Variants in PCDH15 observed in about 807,000 individuals in gnomAD.
The protein encoded by PCDH15 is protocadherin-15.
A neutral mutation model predicts 178.5 loss-of-function variants in PCDH15; 129 were observed. That is an observed-to-expected ratio of 0.72 (90% CI 0.63 to 0.84). The LOEUF (loss-of-function observed/expected upper bound fraction) is 0.84. PCDH15 is among the 40% of genes least tolerant of loss of function. The pLI, the probability that PCDH15 is intolerant of heterozygous loss-of-function variation, is 0.00. For synonymous variants in PCDH15, 800 were observed against 732.0 expected, an observed-to-expected ratio of 1.09 and a Z score of -1.50; for missense variants, 2,230 against 2,099.9, an observed-to-expected ratio of 1.06 and a Z score of -1.21.
chr10:54,527,567 T>A (rs2083473488), intron 3 of PCDH15, among the ~76,000 whole-genome samples: 1 of 152,244 alleles, frequency 6.6e-6, no homozygotes, highest in South Asian at 2.1e-4. Context: ...TGACTCTGAA[T>A]CAAATAATTT....
At chr10:54,347,742 A>C (rs568291689) in intron 5 of PCDH15, among the ~76,000 whole-genome samples, 1 of 152,198 alleles carries the variant, frequency 6.6e-6, no homozygotes, top group African/African-American at 2.4e-5. Context: ...ACTCAATCCC[A>C]GCAAATTCTT....
At chr10:55,605,039 C>T (rs1159937036) in intron 2 of PCDH15, among the ~76,000 whole-genome samples, 16 of 151,900 alleles carry the variant, frequency 1.1e-4, no homozygotes, top group East Asian at 3.9e-4. Flanking sequence ...ATCAAATAGA[C>T]GCAATAAAAA....
At chr10:55,390,505 A>C (rs1380537262) in intron 2 of PCDH15, among the ~76,000 whole-genome samples, 1 of 152,190 alleles carries the variant, frequency 6.6e-6, no homozygotes. Context: ...AATTGGAGTC[A>C]AGTCTTCTTA....
At chr10:54,064,552 T>A (rs1401632025) in intron 18 of PCDH15, among the ~76,000 whole-genome samples, 1 of 151,994 alleles carries the variant, frequency 6.6e-6, no homozygotes, top group Admixed American at 6.5e-5. Flanking sequence ...GCCCAGGCTG[T>A]TTATGAGGAG....
intron 18 of PCDH15, among the ~76,000 whole-genome samples, chr10:54,052,964 A>G (rs1032821360): frequency 6.6e-6 from 1 of 152,134 alleles, no homozygotes; most frequent in African/African-American, 2.4e-5. Context: ...CCATGTGAAG[A>G]AGGACACATT....
intron 2 of PCDH15, among the ~76,000 whole-genome samples, chr10:54,568,005 T>A (rs550296028): frequency 3.9e-5 from 6 of 152,290 alleles, no homozygotes; most frequent in African/African-American, 1.4e-4. Flanking sequence ...AGTATACTTA[T>A]AAAAAAATAA....
chr10:54,647,925 C>CA (rs1416444965), intron 2 of PCDH15, among the ~76,000 whole-genome samples: 1 of 151,976 alleles, frequency 6.6e-6, no homozygotes, highest in Non-Finnish European at 1.5e-5. Flanking sequence ...TGCTTAAAAA[C>CA]AAACAAAACA....
At chr10:54,137,795 CT>C (rs1197361201) in intron 14 of PCDH15, among the ~76,000 whole-genome samples, 2 of 152,290 alleles carry the variant, frequency 1.3e-5, no homozygotes, top group Middle Eastern at 3.4e-3. Flanking sequence ...CAGTGATTGG[CT>C]TTTTGTATGA....
In PCDH15 at chr10:55,517,007, T is replaced by A. The variant is rs534000839; in HGVS notation, c.-156+110618A>T. On this transcript the variant is annotated intron_variant, in intron 2 of 5. Transcript: ENST00000613346. ...AATGAGTACAGAACAGAAAAACAAA[T>A]CCTGTGAATAGAAATGACACTTATA... Among the ~76,000 whole-genome samples the A allele has an allele frequency of 5.0e-4, 76 of 151,878 alleles. 1 individual carries two copies. Among genetic ancestry groups the A allele is most frequent in the African/African-American group, 1.8e-3 (75 of 41,420 alleles).
chr10:53,892,494 C>G (rs997551515), intron 26 of PCDH15, among the ~76,000 whole-genome samples: 2 of 151,814 alleles, frequency 1.3e-5, no homozygotes, highest in African/African-American at 4.8e-5. Flanking sequence ...TTTTTGGTGT[C>G]CCTTCTACAA....
At chr10:54,915,688 G>A (rs1473866378) in intron 2 of PCDH15, among the ~76,000 whole-genome samples, 5 of 152,120 alleles carry the variant, frequency 3.3e-5, no homozygotes, top group African/African-American at 4.8e-5. Context: ...TCAAGGACAG[G>A]CCACTTCCAA....
At chr10:54,493,857 C>G (rs188196475) in intron 3 of PCDH15, among the ~76,000 whole-genome samples, 277 of 152,132 alleles carry the variant, frequency 1.8e-3, no homozygotes, top group African/African-American at 6.0e-3. Flanking sequence ...CAATGATAGA[C>G]TGGATTAAGA....
rs73248522 is a variant in PCDH15 at position 53,934,945 on chromosome 10, A to G, written c.3373+3870T>C. ...AGATGCCACATTAATAAAAAAAAAA[A>G]AGTCTAGAATTAAAAAAAAAATCCC... On this transcript the variant is annotated intron_variant, in intron 25 of 37. Coordinates refer to ENST00000644397, the MANE Select transcript of PCDH15 (RefSeq NM_001384140.1). Among the ~76,000 whole-genome samples, 807 of 151,702 alleles carry G rather than the reference A, an allele frequency of 5.3e-3. 9 individuals carry two copies. The highest frequency in any genetic ancestry group is 0.018 in the African/African-American group (754 of 41,112).
chr10:55,385,699 A>G, intron 2 of PCDH15, among the ~76,000 whole-genome samples: 1 of 143,796 alleles, frequency 7.0e-6, no homozygotes, highest in Non-Finnish European at 1.5e-5. Context: ...CTGCCTATAT[A>G]TATATATATA....
intron 3 of PCDH15, among the ~76,000 whole-genome samples, chr10:54,497,955 AC>A (rs1589723742): frequency 1.3e-5 from 2 of 152,184 alleles, no homozygotes; most frequent in East Asian, 3.9e-4. Context: ...AACTCAGAGA[AC>A]CCCAGACAGA....
intron 25 of PCDH15, among the ~76,000 whole-genome samples, chr10:53,917,883 C>G (rs923258407): frequency 4.6e-5 from 7 of 152,010 alleles, no homozygotes; most frequent in African/African-American, 1.7e-4. Flanking sequence ...CTCAAGAGAT[C>G]TAGATATTGA....
Position 54,081,156 on chromosome 10 carries a change from G to A in PCDH15, c.1998-1732C>T, listed in dbSNP as rs1014275896. Among the ~76,000 whole-genome samples the A allele has an allele frequency of 5.9e-5, 9 of 151,912 alleles. No individual in the cohort carries two copies. The South Asian group carries it at 8.3e-4, about 14-fold the overall frequency. The stretch of plus-strand genomic sequence containing the variant: ...AGGAAACAAAACATAACAAAACTTC[G>A]CTTAATTCATTCCAGGAAGAAAAAT... On this transcript the variant is annotated intron_variant, in intron 16 of 37. Transcript: ENST00000644397.
At chr10:53,883,728 T>C (rs1324318593) in intron 26 of PCDH15, among the ~76,000 whole-genome samples, 1 of 152,214 alleles carries the variant, frequency 6.6e-6, no homozygotes, top group Non-Finnish European at 1.5e-5. Flanking sequence ...GGCTTTTGTT[T>C]TGTTTGAGAT....
At chr10:54,314,805 G>A (rs867617412) in intron 8 of PCDH15, among the ~76,000 whole-genome samples, 4 of 152,152 alleles carry the variant, frequency 2.6e-5, no homozygotes, top group South Asian at 4.1e-4. Context: ...TTCTGTTCCT[G>A]TGTTAGTTTG....
Sources: allele counts gnomAD v4.1 joint callset (sites outside exome capture counted in the v4.1 genomes callset), GRCh38; gene constraint gnomAD v4.1.1; transcripts MANE v1.5; gene names NCBI Gene and HGNC (gene_info 2026-07-23, HGNC 2026-07-21).